Variants in RPS6KA2 observed in about 807,000 individuals in gnomAD.
RPS6KA2 encodes ribosomal protein S6 kinase A2.
RPS6KA2 carries 42 observed loss-of-function variants against 91.8 expected under a neutral mutation model. The ratio of observed to expected loss-of-function variants is 0.46; its 90% CI spans 0.36 to 0.59. The LOEUF (loss-of-function observed/expected upper bound fraction) is 0.59, where lower values mean the gene tolerates loss of function less well. RPS6KA2 is among the 20% of genes least tolerant of loss of function. The probability of loss-of-function intolerance (pLI) is 0.00; values close to 1 mark genes in which losing one functional copy is unlikely to be tolerated. For synonymous variants in RPS6KA2, 414 were observed against 393.6 expected (o/e 1.05, Z -0.61); for missense variants, 798 against 978.5 (o/e 0.82, Z 2.46).
intron 3 of RPS6KA2, among the ~76,000 whole-genome samples, chr6:166,516,965 T>A (rs1782668449): frequency 6.6e-6 from 1 of 152,194 alleles, no homozygotes; most frequent in Non-Finnish European, 1.5e-5. Context: ...TGAATTCACA[T>A]CCATTTGGAA....
At chr6:166,842,955 C>T (rs9459773) in intron 2 of RPS6KA2, among the ~76,000 whole-genome samples, 34,894 of 151,966 alleles carry the variant, frequency 0.23, 4,496 homozygotes, top group East Asian at 0.35. Flanking sequence ...GCTGAAAAAC[C>T]GTGAGTCTGC....
At chr6:166,458,525 C>T (rs1170203475) in intron 12 of RPS6KA2, among the ~76,000 whole-genome samples, 1 of 152,172 alleles carries the variant, frequency 6.6e-6, no homozygotes. Flanking sequence ...CAGACTAATA[C>T]AGGCCTTTAA....
chr6:166,634,558 GA>G, intron 2 of RPS6KA2, among the ~76,000 whole-genome samples: 1 of 152,262 alleles, frequency 6.6e-6, no homozygotes, highest in Non-Finnish European at 1.5e-5. Context: ...CACAAACATG[GA>G]AAAACAAAGA....
rs1228000194 is a variant in RPS6KA2, at chr6:166,748,564, TCAGGCCCCCACC to T, written c.123+109624_123+109635del. Among the ~76,000 whole-genome samples the T allele has an allele frequency of 4.3e-4, 13 of 30,458 alleles. No individual in the cohort carries two copies. The South Asian group carries it at 7.0e-3, about 16-fold the overall frequency. The allele number at this position is 30,458 out of a possible 152,430, so 20.0% of individuals were successfully genotyped here. On this transcript the variant is annotated intron_variant, in intron 2 of 21. Transcript: ENST00000503859. ...CCCATCCCCTTGGGCCCCCACCTCC[TCAGGCCCCCACC>T]TCCTCGGGCCCCCATTTCCTCAGGC... is the stretch of plus-strand genomic sequence containing the variant.
intron 2 of RPS6KA2, among the ~76,000 whole-genome samples, chr6:166,791,578 C>T (rs1298479505): frequency 6.6e-6 from 1 of 152,224 alleles, no homozygotes; most frequent in Non-Finnish European, 1.5e-5. Flanking sequence ...CTCAGCACCA[C>T]ATCACACTTA....
intron 1 of RPS6KA2, among the ~76,000 whole-genome samples, chr6:166,593,171 A>G (rs916157458): frequency 1.3e-5 from 2 of 152,210 alleles, no homozygotes; most frequent in Non-Finnish European, 2.9e-5. Context: ...CTTAAATCCC[A>G]ATCAAATCCC....
Position 166,770,912 on chromosome 6 carries a change from C to T in RPS6KA2, c.123+87288G>A. 8 of 1,596,384 alleles carry T rather than the reference C, an allele frequency of 5.0e-6. No individual in the cohort carries two copies. The highest frequency in any genetic ancestry group is 5.9e-6 in the Non-Finnish European group (7 of 1,179,336). ...CTTGCAGGCAGCTGAGTCACTTTTG[C>T]CCTGTGAAAATGGAAACGAAGAAAG... On this transcript the variant is annotated intron_variant, in intron 2 of 21. Transcript: ENST00000503859. The surrounding 1 kb of genome is among the most constrained non-coding windows in gnomAD (Gnocchi z 5.1).
chr6:166,620,252 C>T (rs537781833), intron 1 of RPS6KA2, among the ~76,000 whole-genome samples: 2 of 152,224 alleles, frequency 1.3e-5, no homozygotes, highest in African/African-American at 4.8e-5. Flanking sequence ...AATACACTGG[C>T]CAATACCTAA....
intron 2 of RPS6KA2, among the ~76,000 whole-genome samples, chr6:166,681,698 C>CCACCCCCCA (rs1788819315): frequency 1.2e-5 from 1 of 80,826 alleles, no homozygotes; most frequent in African/African-American, 5.9e-5. Context: ...CCGCCCCCCC[C>CCACCCCCCA]CCCGCCCCCG....
At chr6:166,447,183 A>G (rs1779708565) in intron 14 of RPS6KA2, among the ~76,000 whole-genome samples, 1 of 152,162 alleles carries the variant, frequency 6.6e-6, no homozygotes, top group African/African-American at 2.4e-5. Context: ...CTTCATAACA[A>G]AACTTGGTTT....
At position 166,475,890 on chromosome 6, in the gene RPS6KA2, G is replaced by C. The variant is rs1780955538; in HGVS notation, c.908-5985C>G. 6 of 515,952 alleles carry C rather than the reference G, an allele frequency of 1.2e-5. No individual in the cohort carries two copies. In the Admixed American group the frequency reaches 1.2e-4, roughly 10 times the overall value. The allele number at this position is 515,952 out of a possible 1,614,324, so 32.0% of individuals were successfully genotyped here. ...ATGCGTCTGTATTTCTGGTAGTCTG[G>C]ACATGTATAAACACATTATGCCATC... On this transcript the variant is annotated intron_variant, in intron 10 of 20. Coordinates refer to ENST00000265678, the MANE Select transcript of RPS6KA2 (RefSeq NM_021135.6).
chr6:166,601,765 C>A (rs940877969), intron 1 of RPS6KA2, among the ~76,000 whole-genome samples: 7 of 152,052 alleles, frequency 4.6e-5, no homozygotes, highest in Non-Finnish European at 1.0e-4. Context: ...CATTAAAGAC[C>A]AAAGCGTTAA....
chr6:166,520,309 A>C (rs560789316), intron 3 of RPS6KA2, among the ~76,000 whole-genome samples: 27 of 152,122 alleles, frequency 1.8e-4, no homozygotes, highest in Non-Finnish European at 3.5e-4. Context: ...TCAGACTGGA[A>C]CTTATACCAC....
intron 8 of RPS6KA2, among the ~76,000 whole-genome samples, chr6:166,492,784 C>T (rs776863200): frequency 3.5e-4 from 53 of 149,692 alleles, no homozygotes; most frequent in Admixed American, 1.5e-3. Context: ...GGCACAATCT[C>T]GGCTCACTGC....
chr6:166,810,281 C>T (rs958368626), intron 2 of RPS6KA2, among the ~76,000 whole-genome samples: 3 of 152,102 alleles, frequency 2.0e-5, no homozygotes, highest in African/African-American at 7.2e-5. Context: ...GGGGACACAA[C>T]CAGACCATAT....
chr6:166,722,125 G>A (rs1030657652), intron 2 of RPS6KA2, among the ~76,000 whole-genome samples: 1 of 152,290 alleles, frequency 6.6e-6, no homozygotes, highest in Admixed American at 6.5e-5. Context: ...TAACTCAGTA[G>A]GTAAAAGCAG....
intron 1 of RPS6KA2, chr6:166,586,462 C>A (rs62622844): frequency 4.8e-5 from 77 of 1,598,434 alleles, no homozygotes; most frequent in Non-Finnish European, 1.9e-5. Flanking sequence ...GGAACAGCTT[C>A]GGCAGTGTCA....
In RPS6KA2 at chr6:166,764,313, A is replaced by G. The variant is rs190698537; in HGVS notation, c.123+93887T>C. 9.2e-5 allele frequency among the ~76,000 whole-genome samples: 14 copies of G among 152,202 alleles called. No homozygotes were observed. The East Asian group carries it at 2.7e-3, about 29-fold the overall frequency. On this transcript the variant is annotated intron_variant, in intron 2 of 21. Coordinates refer to the RPS6KA2 transcript ENST00000503859. The stretch of plus-strand genomic sequence containing the variant: ...GGACACCAGGGGGCGCGTGAAAAGG[A>G]AGACTGTGAGGCGGGAGGAAGAGTG...
intron 2 of RPS6KA2, among the ~76,000 whole-genome samples, chr6:166,674,875 G>A (rs1788574617): frequency 6.6e-6 from 1 of 152,164 alleles, no homozygotes. Flanking sequence ...CACCATGTTG[G>A]CCAGGCTGGT....
Sources: gnomAD v4.1 joint callset for allele counts (sites outside exome capture counted in the v4.1 genomes callset) on GRCh38, gnomAD v4.1.1 for gene constraint, Gnocchi (gnomAD v3.1) non-coding constraint, MANE v1.5 for transcripts, NCBI Gene and HGNC (gene_info 2026-07-23, HGNC 2026-07-21) for gene names.